PARP11: variants seen among roughly 807,000 people sequenced by gnomAD.
PARP11 encodes the protein poly(ADP-ribose) polymerase family member 11, also known as protein mono-ADP-ribosyltransferase PARP11.
Under a neutral mutation model 42.9 loss-of-function variants are expected in PARP11, and 31 were observed. That is an observed-to-expected ratio of 0.72 (90% CI 0.54 to 0.98). The LOEUF (loss-of-function observed/expected upper bound fraction) is 0.98. Ranked by LOEUF, PARP11 falls within the 50% of genes least tolerant of loss-of-function variation. The pLI is 0.00. For synonymous variants in PARP11, 137 were observed against 127.3 expected (o/e 1.08, Z -0.51); for missense variants, 365 against 413.1 (o/e 0.88, Z 1.01).
At chr12:3,823,566 C>T (rs747190690) in intron 4 of PARP11, among the ~76,000 whole-genome samples, 3 of 152,146 alleles carry the variant, frequency 2.0e-5, no homozygotes, top group Non-Finnish European at 2.9e-5. Context: ...CACAGAACTC[C>T]GCCATGTGGA....
At chr12:3,822,293 T>C (rs1947411667) in intron 4 of PARP11, 136 bp from the exon 5 acceptor site, 3 of 706,854 alleles carry the variant, frequency 4.2e-6, no homozygotes, top group Non-Finnish European at 7.1e-6. Flanking sequence ...CTTCCGTTTC[T>C]TCATTTAAAA....
At position 3,828,910 on chromosome 12, in the gene PARP11, C is replaced by G. The variant is rs1947582353; in HGVS notation, c.268G>C (p.Glu90Gln). ...SKFSYKIDFA[E>Q]MKQMNLTTGK... Reference sequence around the variant, plus strand: ...ACAACTATTAGGGAAAAAAACATACCTGCAAAGTCTATCTTGTAGCTGAAT... The same window carrying G: ...ACAACTATTAGGGAAAAAAACATACGTGCAAAGTCTATCTTGTAGCTGAAT... The change falls in exon 3 of 8, where the codon GAA becomes CAA. Residue 90 changes from glutamate to glutamine, a missense_variant and splice_region_variant. Transcript: ENST00000228820. The G allele has an allele frequency of 3.7e-6, 6 of 1,613,202 alleles. No homozygotes were observed. The highest frequency in any genetic ancestry group is 5.1e-6 in the Non-Finnish European group (6 of 1,179,570).
chr12:3,873,374 C>A lies in PARP11; in HGVS notation c.-145G>T, dbSNP rs1948531809. ...ACGAAGGCCTTCCTCCTCCCCCTCC[C>A]TGTCACAAGCCAGCGTTTACAGACC... On this transcript the variant is annotated 5_prime_UTR_variant, in exon 1 of 8. It adds an upstream start codon to the 5' untranslated region. Transcript: ENST00000228820. 1.2e-5 allele frequency: 9 copies of A among 740,138 alleles called. No individual in the cohort carries two copies. Among genetic ancestry groups the A allele is most frequent in the Admixed American group, 9.4e-5 (4 of 42,712 alleles). The allele number at this position is 740,138 out of a possible 1,614,324, so 45.8% of individuals were successfully genotyped here.
chr12:3,867,036 A>G (rs980638850), intron 1 of PARP11, among the ~76,000 whole-genome samples: 5 of 152,262 alleles, frequency 3.3e-5, no homozygotes, highest in African/African-American at 1.2e-4. Flanking sequence ...TTTGTTCTAC[A>G]TATCAGTGAA....
chr12:3,823,123 A>G (rs1239540774), intron 4 of PARP11, among the ~76,000 whole-genome samples: 1 of 152,250 alleles, frequency 6.6e-6, no homozygotes, highest in Non-Finnish European at 1.5e-5. Context: ...AGGTTACTAA[A>G]TAAATTAATA....
intron 1 of PARP11, chr12:3,871,790 C>T (rs11062886): frequency 0.28 from 42,907 of 152,054 alleles, 7,771 homozygotes; most frequent in Non-Finnish European, 0.4. Flanking sequence ...GAAAATACTA[C>T]CCCGAAGTAT....
chr12:3,872,364 A>C (rs577086807), intron 1 of PARP11: 28 of 204,282 alleles, frequency 1.4e-4, no homozygotes, highest in Admixed American at 4.6e-4. Flanking sequence ...TTGTTAACCT[A>C]TCTTCTGTTT....
chr12:3,873,385 C>T lies in PARP11; in HGVS notation c.-156G>A, dbSNP rs925122235. On this transcript the variant is annotated 5_prime_UTR_variant, in exon 1 of 8. Transcript: ENST00000228820. ...CCTCCTCCCCCTCCCTGTCACAAGC[C>T]AGCGTTTACAGACCACCCAACCTCC... 1 of 696,564 alleles carries T rather than the reference C, an allele frequency of 1.4e-6. No individual in the cohort carries two copies. 43.1% of individuals were successfully genotyped at this position (696,564 alleles called of 1,614,324 possible).
chr12:3,833,557 T>A (rs934911185), intron 1 of PARP11, among the ~76,000 whole-genome samples: 1 of 152,146 alleles, frequency 6.6e-6, no homozygotes, highest in African/African-American at 2.4e-5. Context: ...TGAGCTAACA[T>A]CACGCCACTG....
At chr12:3,855,548 C>T (rs2138103488) in intron 1 of PARP11, among the ~76,000 whole-genome samples, 1 of 152,214 alleles carries the variant, frequency 6.6e-6, no homozygotes, top group Admixed American at 6.5e-5. Flanking sequence ...GAATAAAATA[C>T]CTAGGAATCC....
At chr12:3,871,899 T>C (rs1029680377) in intron 1 of PARP11, 2 of 152,206 alleles carry the variant, frequency 1.3e-5, no homozygotes, top group Admixed American at 1.3e-4. Flanking sequence ...TGCCCTTCTG[T>C]CTCCTGCCCA....
At chr12:3,850,006 TATC>T (rs1273834256) in intron 1 of PARP11, among the ~76,000 whole-genome samples, 4 of 152,090 alleles carry the variant, frequency 2.6e-5, no homozygotes, top group African/African-American at 4.8e-5. Flanking sequence ...ATTAAATACA[TATC>T]ATTATGCCTA....
Position 3,856,399 on chromosome 12 carries a change from C to T in PARP11, c.18+16813G>A, listed in dbSNP as rs142082066. ...ACAAAGGGTGAATATCCAGAATCTA[C>T]AAAGAACTCAAACAAATTTACAAGA... On this transcript the variant is annotated intron_variant, in intron 1 of 7. Coordinates refer to ENST00000228820, the MANE Select transcript of PARP11 (RefSeq NM_020367.6). 4.7e-3 allele frequency among the ~76,000 whole-genome samples: 710 copies of T among 152,282 alleles called. 2 individuals carry two copies. Among genetic ancestry groups the T allele is most frequent in the African/African-American group, 0.016 (648 of 41,548 alleles).
intron 1 of PARP11, among the ~76,000 whole-genome samples, chr12:3,867,884 C>A (rs986975894): frequency 1.3e-5 from 2 of 152,198 alleles, no homozygotes; most frequent in African/African-American, 4.8e-5. Flanking sequence ...TGAAAGAGCA[C>A]AAGATATAAT....
intron 4 of PARP11, among the ~76,000 whole-genome samples, chr12:3,823,082 A>G (rs1423169955): frequency 6.6e-6 from 1 of 152,244 alleles, no homozygotes; most frequent in Non-Finnish European, 1.5e-5. Flanking sequence ...AAAAGGCTGA[A>G]CATGACACAC....
At chr12:3,833,173 T>C (rs1041935743) in intron 1 of PARP11, among the ~76,000 whole-genome samples, 6 of 152,256 alleles carry the variant, frequency 3.9e-5, no homozygotes, top group Non-Finnish European at 8.8e-5. Context: ...CAGGAAATCA[T>C]ATTTGGTAAT....
chr12:3,838,951 G>T (rs1357487843), intron 1 of PARP11, among the ~76,000 whole-genome samples: 2 of 152,146 alleles, frequency 1.3e-5, no homozygotes, highest in Non-Finnish European at 2.9e-5. Context: ...GAAACTTGTG[G>T]GGGCGGCGAC....
chr12:3,810,183 T>G lies in PARP11; in HGVS notation c.*1940A>C, dbSNP rs904994041. 5.3e-5 allele frequency: 8 copies of G among 152,174 alleles called. No individual in the cohort carries two copies. The highest frequency in any genetic ancestry group is 1.2e-4 in the Non-Finnish European group (8 of 68,036). 9.4% of individuals were successfully genotyped at this position (152,174 alleles called of 1,614,324 possible). On this transcript the variant is annotated 3_prime_UTR_variant, in exon 8 of 8. Coordinates refer to ENST00000228820, the MANE Select transcript of PARP11 (RefSeq NM_020367.6). ...AAGAAGTTAAATTGTGTACACTAAC[T>G]CTCAGCCAAAATTGGGTGAGGATAA...
At chr12:3,814,958 G>T in intron 6 of PARP11, 1 of 451,400 alleles carries the variant, frequency 2.2e-6, no homozygotes, top group South Asian at 1.6e-5. Context: ...TACACAGGTA[G>T]TAAAAAATAC....
Sources: gnomAD v4.1 joint callset for allele counts (sites outside exome capture counted in the v4.1 genomes callset) on GRCh38, gnomAD v4.1.1 for gene constraint, MANE v1.5 for transcripts, NCBI Gene and HGNC (gene_info 2026-07-23, HGNC 2026-07-21) for gene names.